The following ERC2 variants were observed in gnomAD, a reference collection of about 807,000 sequenced individuals.
ERC2 encodes the protein ELKS/RAB6-interacting/CAST family member 2.
ERC2 carries 42 observed loss-of-function variants against 114.8 expected under a neutral mutation model. The ratio of observed to expected loss-of-function variants is 0.37; its 90% CI spans 0.29 to 0.47. ERC2 has a LOEUF of 0.47. Ranked by LOEUF, ERC2 falls within the 20% of genes least tolerant of loss-of-function variation. The pLI is 0.99. For missense variants in ERC2, 939 were observed against 1,150.7 expected (o/e 0.82, Z 2.66); for synonymous variants, 454 against 425.5 (o/e 1.07, Z -0.82).
intron 7 of ERC2, among the ~76,000 whole-genome samples, chr3:56,042,470 T>C (rs2075245809): frequency 6.6e-6 from 1 of 152,152 alleles, no homozygotes; most frequent in African/African-American, 2.4e-5. Flanking sequence ...TTTAAAACAC[T>C]GGATAAGGCT....
chr3:56,413,232 C>A (rs2061011724), intron 2 of ERC2, among the ~76,000 whole-genome samples: 1 of 152,214 alleles, frequency 6.6e-6, no homozygotes, highest in Non-Finnish European at 1.5e-5. Context: ...GCATGGTGAC[C>A]ACTCCTGGAA....
intron 17 of ERC2, among the ~76,000 whole-genome samples, chr3:55,539,310 T>C (rs1451697683): frequency 6.6e-6 from 1 of 151,966 alleles, no homozygotes; most frequent in African/African-American, 2.4e-5. Context: ...GTCAAATACA[T>C]CTGAGAAATA....
At chr3:55,955,021 T>C (rs2067841793) in intron 12 of ERC2, 1 of 403,472 alleles carries the variant, frequency 2.5e-6, no homozygotes, top group Admixed American at 2.7e-5. Context: ...CTTCAGGATA[T>C]ACTGTTACTC....
At chr3:56,091,431 T>G (rs917983745) in intron 6 of ERC2, among the ~76,000 whole-genome samples, 1 of 152,106 alleles carries the variant, frequency 6.6e-6, no homozygotes, top group Admixed American at 6.5e-5. Context: ...GAGTTTAGGA[T>G]TAGGCATATA....
intron 13 of ERC2, 30 bp downstream of exon 13, chr3:55,950,395 T>C (rs2067416406): frequency 6.2e-7 from 1 of 1,611,042 alleles, no homozygotes. Flanking sequence ...TCTAGTTATT[T>C]AGCGATTAAG....
chr3:56,277,175 G>A (rs985328153), intron 3 of ERC2, among the ~76,000 whole-genome samples: 3 of 152,156 alleles, frequency 2.0e-5, no homozygotes, highest in Non-Finnish European at 2.9e-5. Flanking sequence ...CGCCCTTGAT[G>A]GCCCTGTTTT....
In ERC2 at chr3:55,688,107, T is replaced by C. The variant is rs184710717; in HGVS notation, c.2848-4248A>G. Reference sequence around the variant, plus strand: ...CATGACTTGTATTTATTATAATCTCTGGGGCCCATTTGCAGGTAAGATCCC... The same window carrying C: ...CATGACTTGTATTTATTATAATCTCCGGGGCCCATTTGCAGGTAAGATCCC... On this transcript the variant is annotated intron_variant, in intron 16 of 17. Coordinates refer to ENST00000288221, the MANE Select transcript of ERC2 (RefSeq NM_015576.3). Among the ~76,000 whole-genome samples the C allele has an allele frequency of 2.3e-3, 356 of 152,336 alleles. 1 individual carries two copies. Among genetic ancestry groups the C allele is most frequent in the African/African-American group, 8.1e-3 (336 of 41,570 alleles).
intron 1 of ERC2, among the ~76,000 whole-genome samples, chr3:56,460,795 C>T (rs1162155648): frequency 6.6e-6 from 1 of 152,068 alleles, no homozygotes; most frequent in Non-Finnish European, 1.5e-5. Flanking sequence ...GTCATTATTC[C>T]TCTCTAAGCC....
At chr3:56,022,922 T>C (rs1315838719) in intron 7 of ERC2, among the ~76,000 whole-genome samples, 1 of 152,192 alleles carries the variant, frequency 6.6e-6, no homozygotes, top group African/African-American at 2.4e-5. Context: ...GCAATAGCTA[T>C]GCCTTCTGGG....
intron 3 of ERC2, among the ~76,000 whole-genome samples, chr3:56,216,320 G>A (rs1041537319): frequency 1.7e-4 from 26 of 152,116 alleles, no homozygotes; most frequent in Admixed American, 1.3e-3. Flanking sequence ...TATCACCACC[G>A]ATCCCACAGA....
intron 14 of ERC2, among the ~76,000 whole-genome samples, chr3:55,743,886 A>G (rs1295040646): frequency 2.6e-5 from 4 of 152,178 alleles, no homozygotes; most frequent in African/African-American, 9.7e-5. Flanking sequence ...TCTCTCTTGG[A>G]TTGAGGTAGG....
chr3:56,402,817 A>C (rs1284202821), intron 2 of ERC2, among the ~76,000 whole-genome samples: 2 of 151,928 alleles, frequency 1.3e-5, no homozygotes, highest in African/African-American at 4.8e-5. Flanking sequence ...CTCTATTTTT[A>C]ATCTTTTATT....
chr3:56,114,356 G>C (rs1337388162), intron 6 of ERC2, among the ~76,000 whole-genome samples: 1 of 152,232 alleles, frequency 6.6e-6, no homozygotes, highest in African/African-American at 2.4e-5. Flanking sequence ...ATGCTAGTCA[G>C]TTATTGTGTA....
At chr3:56,348,923 G>GGAAC (rs2058432652) in intron 2 of ERC2, among the ~76,000 whole-genome samples, 4 of 131,058 alleles carry the variant, frequency 3.1e-5, no homozygotes, top group African/African-American at 1.3e-4. Context: ...AAGGAAGGAA[G>GGAAC]GAAGGAAGGA....
At chr3:55,856,123 T>C (rs1000933710) in intron 14 of ERC2, among the ~76,000 whole-genome samples, 1 of 152,224 alleles carries the variant, frequency 6.6e-6, no homozygotes, top group East Asian at 1.9e-4. Context: ...GAACGGATTC[T>C]CTTGATAACA....
intron 3 of ERC2, among the ~76,000 whole-genome samples, chr3:56,210,263 GA>G (rs138054433): frequency 0.024 from 3,638 of 152,202 alleles, 61 homozygotes; most frequent in Admixed American, 0.034. Context: ...TTATCCACGG[GA>G]AAAACAATTT....
chr3:55,754,000 A>G (rs1024165511), intron 14 of ERC2, among the ~76,000 whole-genome samples: 2 of 152,206 alleles, frequency 1.3e-5, no homozygotes, highest in African/African-American at 2.4e-5. Flanking sequence ...GAGGTATTAT[A>G]TAAGATAAAT....
At chr3:55,638,664 A>G (rs1166416302) in intron 17 of ERC2, among the ~76,000 whole-genome samples, 1 of 152,194 alleles carries the variant, frequency 6.6e-6, no homozygotes, top group Non-Finnish European at 1.5e-5. Flanking sequence ...CCATCCCCCA[A>G]GTAAATACAT....
intron 12 of ERC2, among the ~76,000 whole-genome samples, chr3:55,953,400 G>A (rs2067713620): frequency 6.6e-6 from 1 of 152,218 alleles, no homozygotes; most frequent in Non-Finnish European, 1.5e-5. Flanking sequence ...CAAGGTGGAT[G>A]AGAATGATCA....
Sources: allele counts gnomAD v4.1 joint callset (sites outside exome capture counted in the v4.1 genomes callset), GRCh38; gene constraint gnomAD v4.1.1; transcripts MANE v1.5; gene names NCBI Gene and HGNC (gene_info 2026-07-23, HGNC 2026-07-21).